The following LRRTM4 variants were observed in gnomAD, a reference collection of about 807,000 sequenced individuals.
LRRTM4 encodes the protein leucine-rich repeat transmembrane neuronal protein 4.
LRRTM4 carries 25 observed loss-of-function variants against 47.6 expected under a neutral mutation model. The observed-to-expected ratio is 0.53, with a 90% CI of 0.38 to 0.73. The LOEUF (loss-of-function observed/expected upper bound fraction) is 0.73, where lower values mean the gene tolerates loss of function less well. Among genes scored for constraint, LRRTM4 ranks in the 30% least tolerant of loss-of-function variants. LRRTM4 has a pLI of 0.00. For missense variants in LRRTM4, 638 were observed against 713.4 expected (o/e 0.89, Z 1.20); for synonymous variants, 311 against 269.5 (o/e 1.15, Z -1.51).
intron 3 of LRRTM4, among the ~76,000 whole-genome samples, chr2:76,818,403 C>T (rs148757475): frequency 2.6e-5 from 4 of 151,822 alleles, no homozygotes; most frequent in African/African-American, 7.2e-5. Context: ...AAGCTATGCT[C>T]TTCCCACAAC....
At chr2:76,796,167 CG>C (rs2103742842) in intron 3 of LRRTM4, among the ~76,000 whole-genome samples, 1 of 144,244 alleles carries the variant, frequency 6.9e-6, no homozygotes, top group African/African-American at 2.5e-5. Flanking sequence ...CAGGGTCCTA[CG>C]CCCACAGAGC....
rs185217079 is a variant in LRRTM4 at position 77,062,104 on chromosome 2, G to A, written c.1552-313188C>T. On this transcript the variant is annotated intron_variant, in intron 3 of 3. Coordinates refer to ENST00000409884, the MANE Select transcript of LRRTM4 (RefSeq NM_001134745.3). ...TGAAATATTTTCGTCATTGGTCAGT[G>A]ATGGATTGAATTAACCCTTGGGAAA... Among the ~76,000 whole-genome samples, 224 of 152,288 alleles carry A rather than the reference G, an allele frequency of 1.5e-3. 1 individual carries two copies. Among genetic ancestry groups the A allele is most frequent in the Admixed American group, 0.013 (192 of 15,298 alleles).
chr2:76,903,875 T>C (rs1273266831), intron 3 of LRRTM4, among the ~76,000 whole-genome samples: 20 of 152,348 alleles, frequency 1.3e-4, no homozygotes, highest in Admixed American at 1.3e-3. Context: ...TTTTTTACTA[T>C]AATGGGAACC....
At chr2:77,194,652 A>G (rs1673763485) in intron 3 of LRRTM4, among the ~76,000 whole-genome samples, 1 of 152,174 alleles carries the variant, frequency 6.6e-6, no homozygotes, top group African/African-American at 2.4e-5. Flanking sequence ...TCCAGAGGAA[A>G]AAAAAGATGT....
chr2:76,940,865 G>A (rs954450190), intron 3 of LRRTM4, among the ~76,000 whole-genome samples: 1 of 152,108 alleles, frequency 6.6e-6, no homozygotes, highest in African/African-American at 2.4e-5. Context: ...TCTCAGGATT[G>A]TTTTTCTTCT....
intron 3 of LRRTM4, among the ~76,000 whole-genome samples, chr2:77,442,457 T>C (rs1675882052): frequency 6.6e-6 from 1 of 152,308 alleles, no homozygotes; most frequent in South Asian, 2.1e-4. Flanking sequence ...TCAAAACTTA[T>C]CTTCCTTCCC....
chr2:77,504,768 T>C (rs558379346), intron 3 of LRRTM4, among the ~76,000 whole-genome samples: 1 of 131,496 alleles, frequency 7.6e-6, no homozygotes, highest in East Asian at 2.0e-4. Flanking sequence ...AATGAACAAA[T>C]ATATGACTAG....
intron 3 of LRRTM4, among the ~76,000 whole-genome samples, chr2:77,247,491 T>C (rs1675480067): frequency 6.6e-6 from 1 of 152,142 alleles, no homozygotes; most frequent in Admixed American, 6.6e-5. Context: ...TTAGAAATAA[T>C]AGGCCTATTT....
intron 3 of LRRTM4, among the ~76,000 whole-genome samples, chr2:77,349,921 T>C (rs1671696910): frequency 6.6e-6 from 1 of 152,124 alleles, no homozygotes; most frequent in South Asian, 2.1e-4. Context: ...CCATATACAA[T>C]AATAAATTCC....
At chr2:77,321,241 C>A (rs1427688340) in intron 3 of LRRTM4, among the ~76,000 whole-genome samples, 1 of 152,078 alleles carries the variant, frequency 6.6e-6, no homozygotes, top group African/African-American at 2.4e-5. Flanking sequence ...TTCCCCTCTG[C>A]ATATTGAAAT....
chr2:77,486,788 A>AAAGAGAT (rs1677927213), intron 3 of LRRTM4, among the ~76,000 whole-genome samples: 1 of 152,222 alleles, frequency 6.6e-6, no homozygotes, highest in South Asian at 2.1e-4. Flanking sequence ...GATAATACAC[A>AAAGAGAT]AAGAGATATG....
intron 3 of LRRTM4, among the ~76,000 whole-genome samples, chr2:77,089,614 T>C (rs1680861062): frequency 6.6e-6 from 1 of 152,022 alleles, no homozygotes; most frequent in Non-Finnish European, 1.5e-5. Context: ...CTCTTTTCTC[T>C]AGGCTTGCTT....
At chr2:77,040,099 C>T (rs1442375048) in intron 3 of LRRTM4, among the ~76,000 whole-genome samples, 2 of 151,028 alleles carry the variant, frequency 1.3e-5, no homozygotes, top group East Asian at 3.9e-4. Context: ...AAAACTGTCA[C>T]CTGATTAATG....
chr2:76,906,211 A>C (rs1028534858), intron 3 of LRRTM4, among the ~76,000 whole-genome samples: 8 of 152,130 alleles, frequency 5.3e-5, no homozygotes, highest in African/African-American at 1.9e-4. Context: ...TAAAGAAAAG[A>C]ATTTTCAACC....
intron 3 of LRRTM4, among the ~76,000 whole-genome samples, chr2:76,798,044 G>A (rs1405188312): frequency 1.3e-5 from 2 of 149,528 alleles, no homozygotes; most frequent in African/African-American, 5.0e-5. Flanking sequence ...AGATCAATGA[G>A]ACAGAAAGTC....
chr2:76,932,453 A>T (rs1674802253), intron 3 of LRRTM4, among the ~76,000 whole-genome samples: 1 of 152,040 alleles, frequency 6.6e-6, no homozygotes, highest in African/African-American at 2.4e-5. Context: ...TCTTCATCAC[A>T]GGAGTGTTTA....
At chr2:76,789,101 T>C (rs908238546) in intron 3 of LRRTM4, among the ~76,000 whole-genome samples, 6 of 152,242 alleles carry the variant, frequency 3.9e-5, no homozygotes, top group East Asian at 3.9e-4. Context: ...CCCTATACTT[T>C]AGAGATGCTA....
intron 3 of LRRTM4, among the ~76,000 whole-genome samples, chr2:77,489,703 A>G (rs1228042321): frequency 6.6e-6 from 1 of 152,224 alleles, no homozygotes; most frequent in Non-Finnish European, 1.5e-5. Flanking sequence ...TGGACAGACC[A>G]ATGTGACAAA....
chr2:76,876,034 A>G (rs921442478), intron 3 of LRRTM4, among the ~76,000 whole-genome samples: 5 of 152,144 alleles, frequency 3.3e-5, no homozygotes, highest in Admixed American at 6.5e-5. Flanking sequence ...GACTTTAATG[A>G]GGGTTTCTCT....
Sources: allele counts gnomAD v4.1 joint callset (sites outside exome capture counted in the v4.1 genomes callset), GRCh38; gene constraint gnomAD v4.1.1; transcripts MANE v1.5; gene names NCBI Gene and HGNC (gene_info 2026-07-23, HGNC 2026-07-21).